TAF4: variants seen among roughly 807,000 people sequenced by gnomAD.
The protein encoded by TAF4 is transcription initiation factor TFIID subunit 4.
A neutral mutation model predicts 90.3 loss-of-function variants in TAF4; 9 were observed. The ratio of observed to expected loss-of-function variants is 0.10; its 90% CI spans 0.06 to 0.17. TAF4 has a LOEUF of 0.17. TAF4 is among the 10% of genes least tolerant of loss of function. The probability of loss-of-function intolerance (pLI) is 1.00; values close to 1 mark genes in which losing one functional copy is unlikely to be tolerated. For missense variants in TAF4, 1,351 were observed against 1,370.7 expected (o/e 0.99, Z 0.23); for synonymous variants, 818 against 638.9 (o/e 1.28, Z -4.23).
chr20:62,043,373 A>G (rs1316354702), intron 1 of TAF4, among the ~76,000 whole-genome samples: 1 of 152,246 alleles, frequency 6.6e-6, no homozygotes, highest in Non-Finnish European at 1.5e-5. Flanking sequence ...GTTTTAAGCT[A>G]AGTGTTACTA....
intron 14 of TAF4, among the ~76,000 whole-genome samples, chr20:61,997,202 G>A (rs899970516): frequency 6.6e-6 from 1 of 152,174 alleles, no homozygotes; most frequent in Admixed American, 6.5e-5. Context: ...TTCTCCTACA[G>A]CAGCTTATCC....
intron 9 of TAF4, among the ~76,000 whole-genome samples, chr20:62,001,725 G>A (rs1209522175): frequency 2.6e-5 from 4 of 152,102 alleles, no homozygotes; most frequent in Admixed American, 2.0e-4. Context: ...TGAAGGACCC[G>A]GCCATGGGAG....
rs756717202 is a variant in TAF4, at chr20:61,997,547, T to C, written c.3090+3A>G. The C allele has an allele frequency of 1.3e-6, 2 of 1,592,280 alleles. No homozygotes were observed. The highest frequency in any genetic ancestry group is 1.4e-5 in the African/African-American group (1 of 73,810). ...GGACCTCGATCCCACAACACTGCCG[T>C]ACCTCTGCTCCTGAGCCCGGCCCCG... On this transcript the variant is annotated splice_donor_region_variant and intron_variant, in intron 14 of 14. Coordinates refer to ENST00000252996, the MANE Select transcript of TAF4 (RefSeq NM_003185.4).
chr20:62,034,803 A>T (rs2145496439), intron 1 of TAF4, among the ~76,000 whole-genome samples: 1 of 151,718 alleles, frequency 6.6e-6, no homozygotes, highest in East Asian at 2.0e-4. Context: ...ATATTCATGG[A>T]TATAGTCACT....
Position 61,999,033 on chromosome 20 carries a change from T to C in TAF4, c.2863A>G (p.Lys955Glu). The C allele has an allele frequency of 6.2e-7, 1 of 1,614,084 alleles. No homozygotes were observed. The highest frequency in any genetic ancestry group is 8.5e-7 in the Non-Finnish European group (1 of 1,180,026). Residue 955 changes from lysine to glutamate, a missense_variant, in exon 12 of 15, where the codon AAG becomes GAG. Transcript: ENST00000252996. ...CGCTCCTGCTCATCCTTCCTCTGCT[T>C]TTCGATTTGATCAAGCTGTTCAAAA... ...KFFEQLDQIEKQRKDEQEREI... is the reference protein window; with the variant it reads ...KFFEQLDQIEEQRKDEQEREI...
chr20:62,012,704 T>C lies in TAF4; in HGVS notation c.1641+111A>G, dbSNP rs571052135. The C allele has an allele frequency of 2.2e-5, 29 of 1,341,814 alleles. No homozygotes were observed. In the African/African-American group the frequency reaches 4.1e-4, roughly 19 times the overall value. The allele number at this position is 1,341,814 out of a possible 1,614,324, so 83.1% of individuals were successfully genotyped here. A position where few individuals can be genotyped will look rare whatever the true frequency, so the allele number is the denominator to read the frequency against. ...AGAACCTTCCTCCCCAGATTTGACGTAGTATCCAGTTTAAAAAAAAAAAAA... is the reference window on the plus strand; with the variant it reads ...AGAACCTTCCTCCCCAGATTTGACGCAGTATCCAGTTTAAAAAAAAAAAAA... On this transcript the variant is annotated intron_variant, in intron 3 of 14. Transcript: ENST00000252996.
chr20:62,051,797 A>C (rs1312430865), intron 1 of TAF4, among the ~76,000 whole-genome samples: 3 of 152,152 alleles, frequency 2.0e-5, no homozygotes, highest in East Asian at 3.9e-4. Flanking sequence ...TGCAGCCATC[A>C]CTGGCCAGGC....
At chr20:61,997,998 T>C (rs1054836029) in intron 13 of TAF4, 138 bp downstream of exon 13, 1 of 845,348 alleles carries the variant, frequency 1.2e-6, no homozygotes, top group Non-Finnish European at 1.8e-6. Context: ...TTGTATTTAT[T>C]TAAACTTGGC....
chr20:62,055,274 C>T (rs538805702), intron 1 of TAF4, among the ~76,000 whole-genome samples: 2 of 150,420 alleles, frequency 1.3e-5, no homozygotes, highest in Non-Finnish European at 3.0e-5. Context: ...TCCTGCAAGA[C>T]GATCGATTCA....
In TAF4 at chr20:61,976,587, T is replaced by C. The variant is rs1203387949; in HGVS notation, c.3091-252A>G. 5.3e-5 allele frequency among the ~76,000 whole-genome samples: 8 copies of C among 152,334 alleles called. No individual in the cohort carries two copies. In the East Asian group the frequency reaches 1.5e-3, roughly 29 times the overall value. On this transcript the variant is annotated intron_variant, in intron 14 of 14. Coordinates refer to ENST00000252996, the MANE Select transcript of TAF4 (RefSeq NM_003185.4). ...ATGCTGCCCAATGCCCCACAGTGCT[T>C]GGACCTGGTCCTGGGGCTGAGGATG...
chr20:62,014,148 T>A (rs2047265411), intron 2 of TAF4, among the ~76,000 whole-genome samples: 1 of 151,870 alleles, frequency 6.6e-6, no homozygotes, highest in Non-Finnish European at 1.5e-5. Context: ...AAAGTCTCCA[T>A]GCGGCGCTGG....
rs140348547 is a variant in TAF4 at position 62,002,010 on chromosome 20, C to T, written c.2486+1150G>A. Among the ~76,000 whole-genome samples the T allele has an allele frequency of 8.5e-5, 13 of 152,324 alleles. No individual in the cohort carries two copies. In the East Asian group the frequency reaches 2.1e-3, roughly 25 times the overall value. ...AAGACCCATGGTTATCCATGCCTGC[C>T]GACACACTGAAACCCAGGGGTTTGC... is the stretch of plus-strand genomic sequence containing the variant. On this transcript the variant is annotated intron_variant, in intron 9 of 14. Coordinates refer to ENST00000252996, the MANE Select transcript of TAF4 (RefSeq NM_003185.4).
intron 1 of TAF4, among the ~76,000 whole-genome samples, chr20:62,018,863 G>A (rs914291688): frequency 6.6e-6 from 1 of 152,234 alleles, no homozygotes; most frequent in Non-Finnish European, 1.5e-5. Context: ...AGGTGGTGAC[G>A]GGATGGGGCA....
At chr20:62,009,777 G>A (rs965986488) in intron 4 of TAF4, among the ~76,000 whole-genome samples, 4 of 152,176 alleles carry the variant, frequency 2.6e-5, no homozygotes, top group East Asian at 1.9e-4. Flanking sequence ...TACATACAAC[G>A]CGACAGTGCA....
At chr20:61,988,604 C>G (rs2055610679) in intron 14 of TAF4, among the ~76,000 whole-genome samples, 1 of 152,206 alleles carries the variant, frequency 6.6e-6, no homozygotes, top group South Asian at 2.1e-4. Context: ...TGAGCATCAT[C>G]TTTGATGAAG....
In TAF4 at chr20:62,065,703, G is replaced by T; in HGVS notation, c.108C>A (p.Ser36Arg). 1.6e-6 allele frequency: 2 copies of T among 1,269,604 alleles called. No homozygotes were observed. Among genetic ancestry groups the T allele is most frequent in the Non-Finnish European group, 1.0e-6 (1 of 987,342 alleles). 78.6% of individuals were successfully genotyped at this position (1,269,604 alleles called of 1,614,324 possible). A position where few individuals can be genotyped will look rare whatever the true frequency, so the allele number is the denominator to read the frequency against. Residue 36 changes from serine to arginine, a missense_variant, in exon 1 of 15, where the codon AGC becomes AGA. This residue lies in a region of TAF4 where 782 missense variants were observed against 536.6 expected (regional missense o/e 1.46). Coordinates refer to ENST00000252996, the MANE Select transcript of TAF4 (RefSeq NM_003185.4). ...VGSLESQLAASAAHHHHLAPR... is the reference protein window; with the variant it reads ...VGSLESQLAARAAHHHHLAPR... Reference sequence around the variant, plus strand: ...GCGCGAGGTGGTGGTGGTGGGCCGCGCTGGCCGCCAGCTGCGACTCCAGCG... The same window carrying T: ...GCGCGAGGTGGTGGTGGTGGGCCGCTCTGGCCGCCAGCTGCGACTCCAGCG...
chr20:61,979,570 A>ATG (rs2055523150), intron 14 of TAF4, among the ~76,000 whole-genome samples: 1 of 120,248 alleles, frequency 8.3e-6, no homozygotes, highest in Non-Finnish European at 1.7e-5. Flanking sequence ...ACTGCGGCCC[A>ATG]TGCAGGCGCG....
In TAF4 at chr20:62,010,172, G is replaced by T. The variant is rs373425498; in HGVS notation, c.1642-7C>A. 6.8e-6 allele frequency: 11 copies of T among 1,613,720 alleles called. No individual in the cohort carries two copies. The highest frequency in any genetic ancestry group is 2.2e-5 in the East Asian group (1 of 44,852). ...CACCCAGAACGAGCTGAGGCTACAA[G>T]AATCCAAAAACACAAGGTAAGGGCA... On this transcript the variant is annotated splice_region_variant and splice_polypyrimidine_tract_variant and intron_variant, in intron 3 of 14. Coordinates refer to ENST00000252996, the MANE Select transcript of TAF4 (RefSeq NM_003185.4). This position sits in a 1 kb window ranked among gnomAD's most constrained non-coding sequence, Gnocchi z 4.5.
intron 14 of TAF4, among the ~76,000 whole-genome samples, chr20:61,996,935 G>A (rs1259000385): frequency 6.6e-6 from 1 of 152,010 alleles, no homozygotes; most frequent in Admixed American, 6.6e-5. Flanking sequence ...GGTGGCAGAC[G>A]GAAACAGACC....
Sources: gnomAD v4.1 joint callset for allele counts (sites outside exome capture counted in the v4.1 genomes callset) on GRCh38, gnomAD v4.1.1 for gene constraint, gnomAD v4.1.1 regional missense constraint, Gnocchi (gnomAD v3.1) non-coding constraint, MANE v1.5 for transcripts, NCBI Gene and HGNC (gene_info 2026-07-23, HGNC 2026-07-21) for gene names.